RBFOX2: variants seen among roughly 807,000 people sequenced by gnomAD.
RBFOX2 encodes the protein RNA binding protein fox-1 homolog 2.
A neutral mutation model predicts 49.1 loss-of-function variants in RBFOX2; 10 were observed. That is an observed-to-expected ratio of 0.20 (90% CI 0.13 to 0.35). The LOEUF is 0.35. RBFOX2 is among the 10% of genes least tolerant of loss of function. The probability of loss-of-function intolerance (pLI) is 1.00; values close to 1 mark genes in which losing one functional copy is unlikely to be tolerated. For synonymous variants in RBFOX2, 183 were observed against 187.4 expected (o/e 0.98, Z 0.19); for missense variants, 323 against 486.9 (o/e 0.66, Z 3.17).
intron 1 of RBFOX2, among the ~76,000 whole-genome samples, chr22:35,929,002 C>T (rs147217389): frequency 6.6e-6 from 1 of 152,168 alleles, no homozygotes; most frequent in East Asian, 1.9e-4. Context: ...GCTGGTAATA[C>T]CAGCTACTCA....
At chr22:35,958,187 C>T (rs1415972245) in intron 1 of RBFOX2, among the ~76,000 whole-genome samples, 1 of 152,134 alleles carries the variant, frequency 6.6e-6, no homozygotes, top group African/African-American at 2.4e-5. Flanking sequence ...AGTCTCTTCA[C>T]TCACATTGCT....
intron 1 of RBFOX2, among the ~76,000 whole-genome samples, chr22:35,956,230 C>T (rs1442255558): frequency 6.6e-6 from 1 of 152,190 alleles, no homozygotes; most frequent in Non-Finnish European, 1.5e-5. Flanking sequence ...TCTGAAAAGT[C>T]TTTTAAGGTT....
Position 35,831,558 on chromosome 22 carries a change from C to T in RBFOX2, c.27+8634G>A, listed in dbSNP as rs111435956. Among the ~76,000 whole-genome samples, 726 of 152,334 alleles carry T rather than the reference C, an allele frequency of 4.8e-3. 8 individuals are homozygous for T. The highest frequency in any genetic ancestry group is 0.016 in the African/African-American group (652 of 41,576). ...TTTACTGGAACACAGCTACAACCAACGATTCATTTACTTATCATCTATAGC... is the reference window on the plus strand; with the variant it reads ...TTTACTGGAACACAGCTACAACCAATGATTCATTTACTTATCATCTATAGC... On this transcript the variant is annotated intron_variant, in intron 1 of 11. Coordinates refer to ENST00000405409, the Ensembl canonical transcript of RBFOX2.
At chr22:35,843,078 CT>C (rs1299994045), upstream of RBFOX2, among the ~76,000 whole-genome samples, 2 of 152,086 alleles carry the variant, frequency 1.3e-5, no homozygotes, top group East Asian at 3.9e-4. Flanking sequence ...AAGTGTGTCC[CT>C]GGTATTATAG....
intron 1 of RBFOX2, among the ~76,000 whole-genome samples, chr22:36,016,474 G>GA (rs923143231): frequency 2.4e-4 from 36 of 148,104 alleles, no homozygotes; most frequent in East Asian, 3.9e-4. Flanking sequence ...AATGCAGCCA[G>GA]AAAAAAAAAA....
At chr22:35,871,397 A>G (rs1464902998) in intron 1 of RBFOX2, among the ~76,000 whole-genome samples, 1 of 152,240 alleles carries the variant, frequency 6.6e-6, no homozygotes, top group Admixed American at 6.5e-5. Context: ...TTCAGACTGC[A>G]TAACCTCAAT....
intron 1 of RBFOX2, among the ~76,000 whole-genome samples, chr22:35,970,818 G>T (rs939057040): frequency 6.6e-6 from 1 of 152,078 alleles, no homozygotes; most frequent in Admixed American, 6.5e-5. Flanking sequence ...TCACATTTAC[G>T]CAACAACATC....
intron 1 of RBFOX2, among the ~76,000 whole-genome samples, chr22:35,960,328 G>A (rs1433121695): frequency 1.3e-5 from 2 of 152,078 alleles, no homozygotes; most frequent in East Asian, 1.9e-4. Flanking sequence ...GGAAGCCAAC[G>A]CACCAAGAGA....
chr22:35,919,276 G>A (rs2050759327), intron 1 of RBFOX2, among the ~76,000 whole-genome samples: 6 of 152,184 alleles, frequency 3.9e-5, no homozygotes, highest in Non-Finnish European at 1.5e-5. Flanking sequence ...AGTGGCTCAC[G>A]CCTGTAATTC....
At chr22:35,864,664 C>A (rs1311043222) in intron 1 of RBFOX2, among the ~76,000 whole-genome samples, 1 of 152,160 alleles carries the variant, frequency 6.6e-6, no homozygotes, top group African/African-American at 2.4e-5. Flanking sequence ...ATGAAAGAAA[C>A]AGAGCACAAG....
chr22:35,905,998 C>T (rs2049085062), intron 1 of RBFOX2, among the ~76,000 whole-genome samples: 1 of 152,096 alleles, frequency 6.6e-6, no homozygotes, highest in Admixed American at 6.5e-5. Flanking sequence ...AGGCATTAGG[C>T]TGTACCATAT....
At chr22:36,011,967 G>A (rs2058838673) in intron 1 of RBFOX2, among the ~76,000 whole-genome samples, 1 of 152,086 alleles carries the variant, frequency 6.6e-6, no homozygotes, top group African/African-American at 2.4e-5. Context: ...GCAGAGGGCT[G>A]GTACAGATAA....
intron 1 of RBFOX2, among the ~76,000 whole-genome samples, chr22:35,979,611 A>G (rs2057361707): frequency 6.6e-6 from 1 of 152,216 alleles, no homozygotes; most frequent in Non-Finnish European, 1.5e-5. Context: ...AATATTAACA[A>G]CTGGGGAATC....
At chr22:35,812,621 A>T (rs554527710) in intron 1 of RBFOX2, among the ~76,000 whole-genome samples, 1 of 152,238 alleles carries the variant, frequency 6.6e-6, no homozygotes, top group Non-Finnish European at 1.5e-5. Context: ...ATGAAACACA[A>T]TAAGAGCACC....
intron 9 of RBFOX2, chr22:35,748,242 A>C (rs1269677291): frequency 6.6e-6 from 1 of 152,210 alleles, no homozygotes; most frequent in Non-Finnish European, 1.5e-5. Flanking sequence ...TTTTCAAATG[A>C]GTGACTTAGA....
intron 1 of RBFOX2, among the ~76,000 whole-genome samples, chr22:35,878,346 C>T (rs1473438684): frequency 6.6e-6 from 1 of 151,996 alleles, no homozygotes; most frequent in Non-Finnish European, 1.5e-5. Flanking sequence ...TGCAGTGAGC[C>T]GAGATCATGT....
chr22:35,961,540 C>A (rs1041378943), intron 1 of RBFOX2: 7 of 1,303,932 alleles, frequency 5.4e-6, no homozygotes, highest in African/African-American at 3.0e-5. Flanking sequence ...CACCACCCCC[C>A]ACACACCCAA....
At chr22:35,867,785 A>G (rs534323778) in intron 1 of RBFOX2, among the ~76,000 whole-genome samples, 8 of 152,140 alleles carry the variant, frequency 5.3e-5, no homozygotes, top group Non-Finnish European at 1.2e-4. Context: ...TTTCTTTTTT[A>G]CCTCCAGAGG....
At chr22:35,832,457 A>C (rs1286576886) in intron 1 of RBFOX2, among the ~76,000 whole-genome samples, 1 of 152,220 alleles carries the variant, frequency 6.6e-6, no homozygotes, top group Non-Finnish European at 1.5e-5. Flanking sequence ...CTTAATACTC[A>C]TAACTGTAGA....
Sources: allele counts gnomAD v4.1 joint callset (sites outside exome capture counted in the v4.1 genomes callset), GRCh38; gene constraint gnomAD v4.1.1; transcripts MANE v1.5; gene names NCBI Gene and HGNC (gene_info 2026-07-23, HGNC 2026-07-21).